Variants in CCDC50 observed in about 807,000 individuals in gnomAD.
CCDC50 encodes coiled-coil domain-containing protein 50.
In CCDC50, 54 loss-of-function variants were observed where a neutral mutation model predicts 70.2. That is an observed-to-expected ratio of 0.77 (90% CI 0.62 to 0.96). The LOEUF is 0.96. Ranked by LOEUF, CCDC50 falls within the 50% of genes least tolerant of loss-of-function variation. The probability of loss-of-function intolerance (pLI) is 0.00; values close to 1 mark genes in which losing one functional copy is unlikely to be tolerated. For missense variants in CCDC50, 558 were observed against 578.7 expected, an observed-to-expected ratio of 0.96 and a Z score of 0.37; for synonymous variants, 216 against 198.8, an observed-to-expected ratio of 1.09 and a Z score of -0.73.
chr3:191,369,184 G>A (rs554259001), intron 4 of CCDC50, among the ~76,000 whole-genome samples: 19 of 152,120 alleles, frequency 1.2e-4, no homozygotes, highest in African/African-American at 3.6e-4. Flanking sequence ...CTAACACAAC[G>A]CAAAATCTTG....
At chr3:191,390,220 C>G (rs1713642096) in intron 11 of CCDC50, among the ~76,000 whole-genome samples, 1 of 152,014 alleles carries the variant, frequency 6.6e-6, no homozygotes, top group African/African-American at 2.4e-5. Context: ...TCTGTAGTGG[C>G]TCTTGTTTCC....
Position 191,382,783 on chromosome 3 carries a change from A to G in CCDC50, c.1280A>G (p.Glu427Gly). The G allele has an allele frequency of 1.2e-6, 2 of 1,613,236 alleles. No homozygotes were observed. Reference protein sequence around the residue: ...TAKAANSKSKESDEPHHSKNE... With the variant: ...TAKAANSKSKGSDEPHHSKNE... ...AAAGCAGCAAATTCCAAGTCAAAAG[A>G]GAGTGATGAACCTCACCATTCTAAG... Residue 427 changes from glutamate to glycine, a missense_variant, in exon 10 of 12, where the codon GAG becomes GGG. Glu to Gly is a moderately conservative substitution (Grantham distance 98, BLOSUM62 -2). Coordinates refer to ENST00000392455, the MANE Select transcript of CCDC50 (RefSeq NM_178335.3).
At chr3:191,372,143 G>A (rs1712935716) in intron 5 of CCDC50, among the ~76,000 whole-genome samples, 1 of 152,122 alleles carries the variant, frequency 6.6e-6, no homozygotes, top group Non-Finnish European at 1.5e-5. Flanking sequence ...TAGGGCAGGA[G>A]ACTATGTTAA....
intron 1 of CCDC50, among the ~76,000 whole-genome samples, chr3:191,345,826 T>A (rs1489779764): frequency 2.6e-5 from 4 of 152,238 alleles, no homozygotes; most frequent in Non-Finnish European, 1.5e-5. Context: ...TCAGAATGAT[T>A]CTTCGCAGTG....
intron 4 of CCDC50, 119 bp downstream of exon 4, chr3:191,361,278 C>G (rs966868020): frequency 4.1e-6 from 3 of 726,968 alleles, no homozygotes; most frequent in African/African-American, 3.5e-5. Flanking sequence ...CAGAATGCCT[C>G]TTATTTGGGC....
intron 4 of CCDC50, among the ~76,000 whole-genome samples, chr3:191,369,064 A>G (rs1055794716): frequency 6.6e-6 from 1 of 152,146 alleles, no homozygotes; most frequent in Admixed American, 6.5e-5. Context: ...AACATTCCGT[A>G]TCTCATGTTC....
At chr3:191,359,557 G>A (rs180848271) in intron 3 of CCDC50, among the ~76,000 whole-genome samples, 2 of 152,164 alleles carry the variant, frequency 1.3e-5, no homozygotes, top group Non-Finnish European at 2.9e-5. Flanking sequence ...GTAAAGGCTT[G>A]GAGTGGGCAA....
chr3:191,361,137 G>A lies in CCDC50; in HGVS notation c.308G>A (p.Arg103His), dbSNP rs776014358. The A allele has an allele frequency of 2.5e-5, 40 of 1,613,104 alleles. No homozygotes were observed. Among genetic ancestry groups the A allele is most frequent in the Admixed American group, 3.3e-5 (2 of 59,988 alleles). The stretch of plus-strand genomic sequence containing the variant: ...CTGGCTATTGAGGCAGAGAGACGAC[G>A]CATTCAGGAGAAGAAGGATGAGGTA... ...EKLAIEAERR[R>H]IQEKKDEDIA... The change falls in exon 4 of 12, where the codon CGC (arginine) becomes CAC (histidine). Residue 103 changes from arginine (R) to histidine (H), a missense_variant. Physicochemically the swap from Arg to His is conservative, Grantham distance 29. Transcript: ENST00000392455.
intron 1 of CCDC50, 37 bp from the exon 2 acceptor site, chr3:191,357,051 T>G: frequency 2.2e-6 from 3 of 1,338,970 alleles, no homozygotes; most frequent in Non-Finnish European, 2.1e-6. Context: ...GTATTACTAA[T>G]GAGCCTTCCT....
rs187375468 is a variant in CCDC50, at chr3:191,343,120, T to G, written c.49+13397T>G. ...TGAGGGACTTTTCATATACCTGAGT[T>G]CCGCAGGGCCAACTGCAAGAAGTGA... is the stretch of plus-strand genomic sequence containing the variant. On this transcript the variant is annotated intron_variant, in intron 1 of 11. Transcript: ENST00000392455. Among the ~76,000 whole-genome samples the G allele has an allele frequency of 1.5e-4, 23 of 152,294 alleles. 1 individual carries two copies. Among genetic ancestry groups the G allele is most frequent in the Admixed American group, 1.2e-3 (19 of 15,288 alleles).
In CCDC50 at chr3:191,380,715, A is replaced by G; in HGVS notation, c.1121A>G (p.Gln374Arg). 1.9e-6 allele frequency: 3 copies of G among 1,612,742 alleles called. No individual in the cohort carries two copies. Among genetic ancestry groups the G allele is most frequent in the Non-Finnish European group, 1.7e-6 (2 of 1,179,206 alleles). The stretch of plus-strand genomic sequence containing the variant: ...ACCCAGGTGGACATGAGAGCCGCTC[A>G]AGTAGCTCAAGATGAAGTAAGTTAA... ...LATQVDMRAAQVAQDEEIARL... is the reference protein window; with the variant it reads ...LATQVDMRAARVAQDEEIARL... Residue 374 changes from glutamine (Q) to arginine (R), a missense_variant, in exon 8 of 12, where the codon CAA becomes CGA. Coordinates refer to ENST00000392455, the MANE Select transcript of CCDC50 (RefSeq NM_178335.3).
chr3:191,376,305 A>G (rs1401594508), intron 6 of CCDC50, among the ~76,000 whole-genome samples: 1 of 152,166 alleles, frequency 6.6e-6, no homozygotes, highest in East Asian at 1.9e-4. Context: ...CTAACTCTAC[A>G]GTTGGTGTTC....
chr3:191,355,285 A>G (rs1712239550), intron 1 of CCDC50, among the ~76,000 whole-genome samples: 1 of 152,230 alleles, frequency 6.6e-6, no homozygotes, highest in African/African-American at 2.4e-5. Flanking sequence ...TTAAAATAAC[A>G]TTCTTTACAC....
intron 1 of CCDC50, among the ~76,000 whole-genome samples, chr3:191,331,631 C>A (rs557374096): frequency 1.6e-4 from 25 of 152,256 alleles, no homozygotes; most frequent in Admixed American, 1.6e-3. Context: ...TTGTAAACAT[C>A]TGACTTTTCT....
intron 3 of CCDC50, among the ~76,000 whole-genome samples, chr3:191,359,936 A>G (rs1400495343): frequency 1.3e-5 from 2 of 152,146 alleles, no homozygotes; most frequent in Non-Finnish European, 2.9e-5. Context: ...AGGAGTAGAG[A>G]GTGATATTTT....
chr3:191,383,479 A>C (rs566765036), intron 10 of CCDC50, among the ~76,000 whole-genome samples: 1 of 152,136 alleles, frequency 6.6e-6, no homozygotes, highest in Non-Finnish European at 1.5e-5. Flanking sequence ...GAATGTGAAG[A>C]AAAAGATACT....
rs1053310061 is a variant in CCDC50, at chr3:191,347,502, A to G, written c.50-9586A>G. On this transcript the variant is annotated intron_variant, in intron 1 of 11. Coordinates refer to ENST00000392455, the MANE Select transcript of CCDC50 (RefSeq NM_178335.3). ...GCTGAACAAATACATCCGTATGTATACACACATTTTTCTTGATTCTGAGCT... is the reference window on the plus strand; with the variant it reads ...GCTGAACAAATACATCCGTATGTATGCACACATTTTTCTTGATTCTGAGCT... 4.5e-4 allele frequency among the ~76,000 whole-genome samples: 64 copies of G among 142,102 alleles called. 13 individuals carry two copies. The highest frequency in any genetic ancestry group is 1.2e-3 in the Admixed American group (16 of 13,822). 93.2% of individuals were successfully genotyped at this position (142,102 alleles called of 152,430 possible). A position where few individuals can be genotyped will look rare whatever the true frequency, so the allele number is the denominator to read the frequency against.
intron 1 of CCDC50, among the ~76,000 whole-genome samples, chr3:191,347,919 T>C (rs922767604): frequency 8.4e-5 from 12 of 142,328 alleles, no homozygotes; most frequent in African/African-American, 2.8e-4. Context: ...TCCATCTTTT[T>C]CACAAGCATT....
chr3:191,335,005 TATTCA>T (rs922746827), intron 1 of CCDC50, among the ~76,000 whole-genome samples: 4 of 152,204 alleles, frequency 2.6e-5, no homozygotes, highest in African/African-American at 9.6e-5. Flanking sequence ...TTCTCTGGTA[TATTCA>T]TTCTAAAGAG....
Sources: allele counts gnomAD v4.1 joint callset (sites outside exome capture counted in the v4.1 genomes callset), GRCh38; gene constraint gnomAD v4.1.1; transcripts MANE v1.5; gene names NCBI Gene and HGNC (gene_info 2026-07-23, HGNC 2026-07-21).